SLC30A7: variants seen among roughly 807,000 people sequenced by gnomAD.
The protein encoded by SLC30A7 is zinc transporter 7.
SLC30A7 carries 35 observed loss-of-function variants against 46.0 expected under a neutral mutation model. The ratio of observed to expected loss-of-function variants is 0.76; its 90% CI spans 0.58 to 1.01. The LOEUF is 1.01. Ranked by LOEUF, SLC30A7 falls within the 50% of genes least tolerant of loss-of-function variation. The pLI is 0.00. For missense variants in SLC30A7, 464 were observed against 451.1 expected, an observed-to-expected ratio of 1.03 and a Z score of -0.26; for synonymous variants, 147 against 157.8, an observed-to-expected ratio of 0.93 and a Z score of 0.51.
chr1:100,978,409 T>C lies in SLC30A7; in HGVS notation c.*3552T>C, dbSNP rs1421666744. The C allele has an allele frequency of 6.6e-6, 1 of 152,232 alleles. No homozygotes were observed. The highest frequency in any genetic ancestry group is 1.5e-5 in the Non-Finnish European group (1 of 68,030). The allele number at this position is 152,232 out of a possible 1,614,324, so 9.4% of individuals were successfully genotyped here. ...TTATTAATATGGTAGAACCCTGTTA[T>C]GTAATTCCAAAACTTAAGAACCATA... is the stretch of plus-strand genomic sequence containing the variant. On this transcript the variant is annotated 3_prime_UTR_variant, in exon 11 of 11. Transcript: ENST00000357650.
In SLC30A7 at chr1:100,979,191, C is replaced by T. The variant is rs1037743740; in HGVS notation, c.*4334C>T. On this transcript the variant is annotated 3_prime_UTR_variant, in exon 11 of 11. Coordinates refer to ENST00000357650, the MANE Select transcript of SLC30A7 (RefSeq NM_133496.5). ...TAATTACTAAAACTGCTATTTCTAA[C>T]TCTTCATGAAAGCATTACCTTTGGA... 2.6e-5 allele frequency: 4 copies of T among 151,962 alleles called. No individual in the cohort carries two copies. Among genetic ancestry groups the T allele is most frequent in the African/African-American group, 9.7e-5 (4 of 41,384 alleles). 9.4% of individuals were successfully genotyped at this position (151,962 alleles called of 1,614,324 possible). A position where few individuals can be genotyped will look rare whatever the true frequency, so the allele number is the denominator to read the frequency against.
chr1:100,913,101 A>G (rs2101019675), intron 5 of SLC30A7, among the ~76,000 whole-genome samples: 1 of 152,218 alleles, frequency 6.6e-6, no homozygotes, highest in South Asian at 2.1e-4. Flanking sequence ...ATTTTTAGGT[A>G]TGCTGTGGAG....
chr1:100,963,352 T>A (rs1655660544), intron 9 of SLC30A7, among the ~76,000 whole-genome samples: 1 of 152,146 alleles, frequency 6.6e-6, no homozygotes, highest in Non-Finnish European at 1.5e-5. Context: ...AGGAAGTAAT[T>A]AACTGTGTTG....
chr1:100,912,991 T>G (rs1350944028), intron 5 of SLC30A7, among the ~76,000 whole-genome samples: 1 of 152,158 alleles, frequency 6.6e-6, no homozygotes, highest in African/African-American at 2.4e-5. Context: ...TTACTGGTAT[T>G]TAGAATTTTT....
chr1:100,981,854 A>C (rs538020628), downstream of SLC30A7: 1 of 152,362 alleles, frequency 6.6e-6, no homozygotes, highest in Middle Eastern at 3.4e-3. Flanking sequence ...AATGAAAGGC[A>C]AAGAATGATT....
Position 100,913,709 on chromosome 1 carries a change from A to G in SLC30A7, c.558A>G (p.Ala186=), listed in dbSNP as rs777718952. ...TCTTTAATGGTGCTCTAGATCAGGC[A>G]CATGGCCATGTCGATCATTGCCATA... The part of the protein sequence containing the change: ...HSLFNGALDQ[A]HGHVDHCHSH... Residue 186 remains alanine, a synonymous_variant, in exon 6 of 11, where the codon GCA becomes GCG. Coordinates refer to ENST00000357650, the MANE Select transcript of SLC30A7 (RefSeq NM_133496.5). 1 of 1,613,956 alleles carries G rather than the reference A, an allele frequency of 6.2e-7. No homozygotes were observed. The highest frequency in any genetic ancestry group is 1.1e-5 in the South Asian group (1 of 91,074).
intron 3 of SLC30A7, among the ~76,000 whole-genome samples, chr1:100,908,279 T>C (rs1320786576): frequency 6.6e-6 from 1 of 152,210 alleles, no homozygotes; most frequent in Non-Finnish European, 1.5e-5. Context: ...TTCTTTCACA[T>C]GCTCTTGTTC....
chr1:100,961,168 A>G (rs1228573320), intron 8 of SLC30A7, among the ~76,000 whole-genome samples: 2 of 150,514 alleles, frequency 1.3e-5, no homozygotes, highest in Admixed American at 1.3e-4. Flanking sequence ...TCACCGTGTT[A>G]GCCAGGATGG....
At chr1:100,907,995 G>A (rs1651790502) in intron 3 of SLC30A7, among the ~76,000 whole-genome samples, 1 of 151,202 alleles carries the variant, frequency 6.6e-6, no homozygotes, top group Non-Finnish European at 1.5e-5. Flanking sequence ...TTATCTGTCA[G>A]GCTCAATCTC....
At chr1:100,903,700 G>A (rs1295360524) in intron 2 of SLC30A7, among the ~76,000 whole-genome samples, 1 of 152,104 alleles carries the variant, frequency 6.6e-6, no homozygotes, top group Non-Finnish European at 1.5e-5. Flanking sequence ...CTTTTGTAAT[G>A]ATTTGGCAGA....
downstream of SLC30A7, among the ~76,000 whole-genome samples, chr1:100,985,882 G>C (rs552795623): frequency 6.6e-6 from 1 of 152,132 alleles, no homozygotes; most frequent in Non-Finnish European, 1.5e-5. Flanking sequence ...GGAATGAAAG[G>C]ACAAGCTACA....
intron 8 of SLC30A7, among the ~76,000 whole-genome samples, chr1:100,958,211 C>G (rs1171695709): frequency 6.6e-6 from 1 of 151,964 alleles, no homozygotes; most frequent in Non-Finnish European, 1.5e-5. Flanking sequence ...GAGTCTCGCT[C>G]TGTCACCCAG....
At chr1:100,905,140 G>A (rs1651565849) in intron 2 of SLC30A7, among the ~76,000 whole-genome samples, 1 of 151,884 alleles carries the variant, frequency 6.6e-6, no homozygotes, top group South Asian at 2.1e-4. Flanking sequence ...AATACACTTT[G>A]ATTTTCTTAT....
In SLC30A7 at chr1:100,896,408, A is replaced by G. The variant is rs111922652; in HGVS notation, c.80+66A>G. On this transcript the variant is annotated intron_variant, in intron 1 of 10. Coordinates refer to ENST00000357650, the MANE Select transcript of SLC30A7 (RefSeq NM_133496.5). ...AAAGGGAGAAGGCCCAGACCTCAGGATGGCCCGAGGTCCAGTGAGGGAGAG... is the reference window on the plus strand; with the variant it reads ...AAAGGGAGAAGGCCCAGACCTCAGGGTGGCCCGAGGTCCAGTGAGGGAGAG... 1.8e-3 allele frequency: 2,834 copies of G among 1,560,614 alleles called. 48 individuals carry two copies. In the African/African-American group the frequency reaches 0.033, roughly 18 times the overall value.
chr1:100,933,196 G>A (rs1417026859), intron 8 of SLC30A7, among the ~76,000 whole-genome samples: 1 of 151,522 alleles, frequency 6.6e-6, no homozygotes, highest in Non-Finnish European at 1.5e-5. Context: ...GGATGGTCTT[G>A]ATCTCCTGAC....
chr1:100,992,922 T>C, the SLC30A7 span, among the ~76,000 whole-genome samples: 1 of 152,358 alleles, frequency 6.6e-6, no homozygotes, highest in Admixed American at 6.5e-5. Flanking sequence ...CTTAAGCTTT[T>C]TCATTGTTCT....
intron 6 of SLC30A7, among the ~76,000 whole-genome samples, chr1:100,914,456 A>G (rs758155074): frequency 6.6e-6 from 1 of 152,226 alleles, no homozygotes; most frequent in Non-Finnish European, 1.5e-5. Flanking sequence ...ATATTGGCTT[A>G]TAAAAATATG....
At chr1:100,907,006 G>C (rs746571365) in intron 3 of SLC30A7, 41 bp downstream of exon 3, 133 of 1,277,830 alleles carry the variant, frequency 1.0e-4, no homozygotes, top group Middle Eastern at 5.6e-4. Context: ...TGAAGTATAA[G>C]ATATACACAA....
At position 100,913,820 on chromosome 1, in the gene SLC30A7, A is replaced by G. The variant is rs199560494; in HGVS notation, c.655+14A>G. ...TTCATTCTCATGGTGAGTACAGCCTAGAGACAAATGGACAGCCTCCAAATA... is the reference window on the plus strand; with the variant it reads ...TTCATTCTCATGGTGAGTACAGCCTGGAGACAAATGGACAGCCTCCAAATA... On this transcript the variant is annotated intron_variant, in intron 6 of 10. Coordinates refer to ENST00000357650, the MANE Select transcript of SLC30A7 (RefSeq NM_133496.5). 1.1e-5 allele frequency: 17 copies of G among 1,596,648 alleles called. No individual in the cohort carries two copies. The highest frequency in any genetic ancestry group is 1.7e-4 in the Middle Eastern group (1 of 6,002).
Sources: allele counts gnomAD v4.1 joint callset (sites outside exome capture counted in the v4.1 genomes callset), GRCh38; gene constraint gnomAD v4.1.1; transcripts MANE v1.5; gene names NCBI Gene and HGNC (gene_info 2026-07-23, HGNC 2026-07-21).